Variants in GPC6 observed in about 807,000 individuals in gnomAD.
The protein encoded by GPC6 is glypican-6.
GPC6 carries 14 observed loss-of-function variants against 55.2 expected under a neutral mutation model. The ratio of observed to expected loss-of-function variants is 0.25; its 90% confidence interval spans 0.17 to 0.40. GPC6 has a LOEUF of 0.40. Ranked by LOEUF, GPC6 falls within the 10% of genes least tolerant of loss-of-function variation. The pLI is 1.00. For missense variants in GPC6, 641 were observed against 708.5 expected, an observed-to-expected ratio of 0.90 and a Z score of 1.08; for synonymous variants, 278 against 259.6, an observed-to-expected ratio of 1.07 and a Z score of -0.68.
intron 2 of GPC6, among the ~76,000 whole-genome samples, chr13:93,703,768 G>A (rs964592009): frequency 1.3e-5 from 2 of 151,924 alleles, no homozygotes; most frequent in Non-Finnish European, 2.9e-5. Context: ...GTGGTACTTT[G>A]AAGACTTATC....
At chr13:93,344,007 G>A (rs952388219) in intron 1 of GPC6, among the ~76,000 whole-genome samples, 4 of 152,154 alleles carry the variant, frequency 2.6e-5, no homozygotes, top group South Asian at 2.1e-4. Context: ...TGCCTTACAA[G>A]TAGGATGGTG....
In GPC6 at chr13:93,812,754, T is replaced by C. The variant is rs117960749; in HGVS notation, c.320-17400T>C. On this transcript the variant is annotated intron_variant, in intron 2 of 8. Coordinates refer to ENST00000377047, the MANE Select transcript of GPC6 (RefSeq NM_005708.5). ...TGAGAAACTAATAATAATTGGTAAT[T>C]ATATAGTGCTTACTATGTGCTGTGC... Among the ~76,000 whole-genome samples, 278 of 152,330 alleles carry C rather than the reference T, an allele frequency of 1.8e-3. 7 individuals carry two copies. The East Asian group carries it at 0.048, about 26-fold the overall frequency.
chr13:93,429,147 T>A (rs1020028427), intron 1 of GPC6, among the ~76,000 whole-genome samples: 1 of 152,100 alleles, frequency 6.6e-6, no homozygotes, highest in Non-Finnish European at 1.5e-5. Flanking sequence ...ATGACCTGAA[T>A]TTTTTTATTC....
chr13:94,374,381 A>C (rs1255481517), intron 6 of GPC6, among the ~76,000 whole-genome samples: 155 of 151,014 alleles, frequency 1.0e-3, no homozygotes, highest in African/African-American at 3.5e-3. Context: ...TCTACCAAGC[A>C]AATGGAAAAC....
intron 1 of GPC6, among the ~76,000 whole-genome samples, chr13:93,493,779 T>C (rs1452912031): frequency 1.6e-5 from 2 of 122,116 alleles, no homozygotes; most frequent in African/African-American, 6.0e-5. Context: ...TTTCGTTATG[T>C]ACCCAGTAGT....
chr13:93,492,836 A>G (rs1880079725), intron 1 of GPC6, among the ~76,000 whole-genome samples: 1 of 150,196 alleles, frequency 6.7e-6, no homozygotes, highest in Non-Finnish European at 1.5e-5. Context: ...ATTGATTGGC[A>G]TATATTGAAC....
At chr13:93,481,016 G>C (rs1035146165) in intron 1 of GPC6, among the ~76,000 whole-genome samples, 3 of 152,160 alleles carry the variant, frequency 2.0e-5, no homozygotes, top group Non-Finnish European at 4.4e-5. Flanking sequence ...GAAACATCCA[G>C]ATTGTTTCCT....
chr13:93,496,640 A>T (rs574379623), intron 1 of GPC6, among the ~76,000 whole-genome samples: 4 of 152,312 alleles, frequency 2.6e-5, no homozygotes, highest in East Asian at 3.9e-4. Flanking sequence ...AACATATTGC[A>T]GTGGAGGAGC....
chr13:94,205,567 A>G (rs1346957673), intron 4 of GPC6, among the ~76,000 whole-genome samples: 1 of 152,220 alleles, frequency 6.6e-6, no homozygotes, highest in Non-Finnish European at 1.5e-5. Context: ...AAGCACAACT[A>G]GAGCAGCTTG....
intron 1 of GPC6, among the ~76,000 whole-genome samples, chr13:93,316,288 T>C (rs1445434810): frequency 1.3e-5 from 2 of 152,062 alleles, no homozygotes. Flanking sequence ...TGTCCAGATA[T>C]ACTAATAAAA....
intron 3 of GPC6, among the ~76,000 whole-genome samples, chr13:93,892,285 A>T (rs1367867923): frequency 7.0e-6 from 1 of 142,914 alleles, no homozygotes; most frequent in African/African-American, 2.4e-5. Flanking sequence ...GCATTCCAAA[A>T]ATATTTACAG....
chr13:94,175,949 TATATATAGAGAG>T (rs1888739072), intron 4 of GPC6, among the ~76,000 whole-genome samples: 1 of 105,966 alleles, frequency 9.4e-6, no homozygotes, highest in African/African-American at 3.1e-5. Flanking sequence ...TATATATATA[TATATATAGAGAG>T]AGAGAGAGAG....
chr13:93,671,873 A>G (rs1352778510), intron 2 of GPC6, among the ~76,000 whole-genome samples: 1 of 152,138 alleles, frequency 6.6e-6, no homozygotes, highest in Admixed American at 6.6e-5. Flanking sequence ...GTGGCATGTC[A>G]GGATGACATG....
chr13:93,618,036 T>C (rs1454305781), intron 2 of GPC6, among the ~76,000 whole-genome samples: 1 of 152,064 alleles, frequency 6.6e-6, no homozygotes, highest in East Asian at 1.9e-4. Context: ...ATGTAGAGAA[T>C]ATACATGGAC....
At chr13:93,872,685 C>T (rs1418281767) in intron 3 of GPC6, among the ~76,000 whole-genome samples, 1 of 151,886 alleles carries the variant, frequency 6.6e-6, no homozygotes, top group Non-Finnish European at 1.5e-5. Context: ...CATGTGATCC[C>T]AGATAATGTC....
At chr13:93,579,038 C>G (rs1876807792) in intron 2 of GPC6, among the ~76,000 whole-genome samples, 1 of 151,904 alleles carries the variant, frequency 6.6e-6, no homozygotes, top group South Asian at 2.1e-4. Flanking sequence ...TATGTTGGAG[C>G]TAAAAAACTA....
intron 2 of GPC6, among the ~76,000 whole-genome samples, chr13:93,721,711 T>G (rs1883461002): frequency 6.6e-6 from 1 of 151,792 alleles, no homozygotes; most frequent in South Asian, 2.1e-4. Flanking sequence ...ATTTTGGCTA[T>G]TAAATCATTC....
chr13:93,619,034 T>C (rs140592471), intron 2 of GPC6, among the ~76,000 whole-genome samples: 17 of 152,186 alleles, frequency 1.1e-4, no homozygotes, highest in African/African-American at 4.1e-4. Context: ...AATACTGTGG[T>C]AAATATTTGT....
rs192918659 is a variant in GPC6 at position 94,220,819 on chromosome 13, G to A, written c.878-65530G>A. Among the ~76,000 whole-genome samples, 5 of 152,090 alleles carry A rather than the reference G, an allele frequency of 3.3e-5. No homozygotes were observed. In the East Asian group the frequency reaches 9.7e-4, roughly 29 times the overall value. On this transcript the variant is annotated intron_variant, in intron 4 of 8. Coordinates refer to ENST00000377047, the MANE Select transcript of GPC6 (RefSeq NM_005708.5). ...GGACACTAGTCTTGTTGAATTGGGG[G>A]CCCATAATACCCTAATAAGTAATGG...
Sources: allele counts gnomAD v4.1 joint callset (sites outside exome capture counted in the v4.1 genomes callset), GRCh38; gene constraint gnomAD v4.1.1; transcripts MANE v1.5; gene names NCBI Gene and HGNC (gene_info 2026-07-23, HGNC 2026-07-21).